The following UBAP2L variants were observed in gnomAD, a reference collection of about 807,000 sequenced individuals.
The protein encoded by UBAP2L is ubiquitin-associated protein 2-like.
Under a neutral mutation model 130.6 loss-of-function variants are expected in UBAP2L, and 12 were observed. That is an observed-to-expected ratio of 0.09 (90% CI 0.06 to 0.15). The LOEUF is 0.15. Among genes scored for constraint, UBAP2L ranks in the 10% least tolerant of loss-of-function variants. The probability of loss-of-function intolerance (pLI) is 1.00; values close to 1 mark genes in which losing one functional copy is unlikely to be tolerated. For missense variants in UBAP2L, 965 were observed against 1,332.5 expected, an observed-to-expected ratio of 0.72 and a Z score of 4.29; for synonymous variants, 503 against 524.7, an observed-to-expected ratio of 0.96 and a Z score of 0.57.
In UBAP2L at chr1:154,250,830, G is replaced by C. The variant is rs1054796305; in HGVS notation, c.1214-211G>C. ...CCATTGCATTCCAGCCTGGGTGACA[G>C]AGCAAGACTCCCATCTCAAAAAAAA... On this transcript the variant is annotated intron_variant, in intron 12 of 26. Coordinates refer to ENST00000428931, the MANE Select transcript of UBAP2L (RefSeq NM_014847.4). Among the ~76,000 whole-genome samples the C allele has an allele frequency of 2.5e-4, 35 of 138,832 alleles. No individual in the cohort carries two copies. The Admixed American group carries it at 2.6e-3, about 10-fold the overall frequency. The allele number at this position is 138,832 out of a possible 152,430, so 91.1% of individuals were successfully genotyped here.
chr1:154,235,379 T>G, intron 6 of UBAP2L, 88 bp downstream of exon 6: 4 of 625,016 alleles, frequency 6.4e-6, no homozygotes, highest in Non-Finnish European at 5.7e-6. Flanking sequence ...TTATTGGAGG[T>G]AGTCTCACTC....
chr1:154,255,109 C>T (rs1212379463), intron 16 of UBAP2L, 43 bp from the exon 17 acceptor site: 3 of 1,603,684 alleles, frequency 1.9e-6, no homozygotes, highest in South Asian at 2.2e-5. Context: ...ATAGACATTC[C>T]CTTTTTTCTG....
intron 13 of UBAP2L, 62 bp from the exon 14 acceptor site, chr1:154,251,419 T>TC (rs1677563801): frequency 6.3e-7 from 1 of 1,579,516 alleles, no homozygotes; most frequent in African/African-American, 1.4e-5. Context: ...GGAAGGGTTT[T>TC]TTTTAGTCTT....
chr1:154,225,063 A>C, intron 1 of UBAP2L, 21 bp from the exon 2 acceptor site: 1 of 1,580,282 alleles, frequency 6.3e-7, no homozygotes, highest in Admixed American at 1.7e-5. Context: ...TTAATACCTA[A>C]TTTTCTTTTA....
intron 20 of UBAP2L, 37 bp from the exon 21 acceptor site, chr1:154,258,940 C>T (rs1558215124): frequency 1.9e-6 from 3 of 1,585,748 alleles, no homozygotes; most frequent in African/African-American, 1.3e-5. Flanking sequence ...AACATCATGA[C>T]CAGTTCCTGT....
In UBAP2L at chr1:154,225,226, A is replaced by G; in HGVS notation, c.90+13A>G. 6.2e-7 allele frequency: 1 copy of G among 1,613,532 alleles called. No homozygotes were observed. Among genetic ancestry groups the G allele is most frequent in the South Asian group, 1.1e-5 (1 of 91,060 alleles). On this transcript the variant is annotated intron_variant, in intron 2 of 26. Coordinates refer to ENST00000428931, the MANE Select transcript of UBAP2L (RefSeq NM_014847.4). ...GCAGCGGCCACAGGTAAATAATCCAAGGCATACGGATTCATGGATAGCGTT... is the reference window on the plus strand; with the variant it reads ...GCAGCGGCCACAGGTAAATAATCCAGGGCATACGGATTCATGGATAGCGTT...
At chr1:154,225,700 G>A (rs184817394) in intron 2 of UBAP2L, among the ~76,000 whole-genome samples, 46 of 152,234 alleles carry the variant, frequency 3.0e-4, no homozygotes, top group African/African-American at 9.6e-4. Flanking sequence ...GAACTCATGG[G>A]ATTATAGGTG....
chr1:154,243,120 T>C, intron 9 of UBAP2L, 97 bp from the exon 10 acceptor site: 5 of 983,176 alleles, frequency 5.1e-6, no homozygotes, highest in South Asian at 4.1e-5. Context: ...TTTATAGGGC[T>C]TTCACTTTTT....
In UBAP2L at chr1:154,228,685, A is replaced by G. The variant is rs756576711; in HGVS notation, c.239A>G (p.Asn80Ser). The G allele has an allele frequency of 6.2e-7, 1 of 1,613,508 alleles. No individual in the cohort carries two copies. Among genetic ancestry groups the G allele is most frequent in the Non-Finnish European group, 8.5e-7 (1 of 1,179,828 alleles). ...TTGCATGACTGCAATGGAGATGTCA[A>G]CAGAGCTATCAATGTTCTTCTGGAA... ...IALHDCNGDV[N>S]RAINVLLEGN... Residue 80 changes from asparagine to serine, a missense_variant, in exon 4 of 27, where the codon AAC becomes AGC. Transcript: ENST00000428931.
At position 154,251,003 on chromosome 1, in the gene UBAP2L, A is replaced by C. The variant is rs1335348754; in HGVS notation, c.1214-38A>C. On this transcript the variant is annotated intron_variant, in intron 12 of 26. Coordinates refer to ENST00000428931, the MANE Select transcript of UBAP2L (RefSeq NM_014847.4). ...CAATAGCATTTCCTTGAGATTCATT[A>C]GCATCTCTGGCTTCATATACTGGGT... 2.5e-6 allele frequency: 4 copies of C among 1,569,426 alleles called. No individual in the cohort carries two copies. The South Asian group carries it at 3.6e-5, about 14-fold the overall frequency.
chr1:154,269,014 C>A, intron 26 of UBAP2L, 60 bp downstream of exon 26: 1 of 1,577,238 alleles, frequency 6.3e-7, no homozygotes, highest in Non-Finnish European at 8.7e-7. Context: ...CTTAAAACTG[C>A]CTTCCCTTTC....
chr1:154,259,486 C>G (rs1412646868), intron 21 of UBAP2L, among the ~76,000 whole-genome samples: 2 of 152,106 alleles, frequency 1.3e-5, no homozygotes, highest in Admixed American at 6.5e-5. Context: ...GCCGCCGCAC[C>G]CAGCCTTTTT....
Position 154,220,980 on chromosome 1 carries a change from A to C in UBAP2L, c.-41+5A>C, listed in dbSNP as rs1665688130. 5.4e-6 allele frequency: 1 copy of C among 183,698 alleles called. No homozygotes were observed. Among genetic ancestry groups the C allele is most frequent in the Non-Finnish European group, 1.2e-5 (1 of 86,672 alleles). The allele number at this position is 183,698 out of a possible 1,614,324, so 11.4% of individuals were successfully genotyped here. On this transcript the variant is annotated splice_donor_5th_base_variant and intron_variant, in intron 1 of 26. Transcript: ENST00000428931. ...GTCAGTGTGGAGGAGACTGAGGTAAAGTTGGGAGCGCAGCGGCGTTGGCGG... is the reference window on the plus strand; with the variant it reads ...GTCAGTGTGGAGGAGACTGAGGTAACGTTGGGAGCGCAGCGGCGTTGGCGG...
intron 22 of UBAP2L, among the ~76,000 whole-genome samples, chr1:154,260,337 A>C (rs374272278): frequency 6.6e-6 from 1 of 152,206 alleles, no homozygotes; most frequent in Non-Finnish European, 1.5e-5. Context: ...GCAAGACCCC[A>C]TCTCCAAAAA....
Position 154,257,228 on chromosome 1 carries a change from TCGACTCGAAGCTCAGTTG to T in UBAP2L, c.2325_2342del (p.Arg777_Thr782del). On this transcript the variant is annotated inframe_deletion, in exon 19 of 27. Coordinates refer to ENST00000428931, the MANE Select transcript of UBAP2L (RefSeq NM_014847.4). The stretch of plus-strand genomic sequence containing the variant: ...AGGCAGCAACTCCACTGTCACAGCC[TCGACTCGAAGCTCAGTTG>T]CTACGACTTCAGGTAGCCTTGCATA... 6.2e-7 allele frequency: 1 copy of T among 1,614,206 alleles called. No homozygotes were observed. Among genetic ancestry groups the T allele is most frequent in the Non-Finnish European group, 8.5e-7 (1 of 1,180,016 alleles).
chr1:154,258,626 G>A (rs1680470492), intron 20 of UBAP2L: 1 of 163,414 alleles, frequency 6.1e-6, no homozygotes, highest in Non-Finnish European at 1.3e-5. Context: ...CTTTCCAGAG[G>A]AGATTATTTT....
Position 154,257,389 on chromosome 1 carries a change from G to T in UBAP2L, c.2397G>T (p.Leu799Phe). 6.2e-7 allele frequency: 1 copy of T among 1,613,392 alleles called. No individual in the cohort carries two copies. Among genetic ancestry groups the T allele is most frequent in the Non-Finnish European group, 8.5e-7 (1 of 1,180,038 alleles). ...PNLPPGVPPL[L>F]PNPYIMAPGL... ...TCCCTCCTGGGGTCCCGCCGTTGTT[G>T]CCTAATCCGTATATTATGGCTCCAG... Residue 799 changes from leucine (L) to phenylalanine (F), a missense_variant, in exon 20 of 27, where the codon TTG becomes TTT. Physicochemically the swap from Leu to Phe is conservative, Grantham distance 22. Around this residue, in one of 9 missense-constraint regions of UBAP2L, gnomAD observed 393 missense variants for 408.1 expected, o/e 0.96. Transcript: ENST00000428931.
intron 25 of UBAP2L, among the ~76,000 whole-genome samples, chr1:154,268,150 A>G (rs1683904417): frequency 1.3e-5 from 2 of 151,440 alleles, no homozygotes; most frequent in Admixed American, 6.6e-5. Flanking sequence ...TGGCCTCCCA[A>G]AATGCTGGGA....
Position 154,221,056 on chromosome 1 carries a change from C to G in UBAP2L, c.-41+81C>G, listed in dbSNP as rs999285374. 15 of 188,108 alleles carry G rather than the reference C, an allele frequency of 8.0e-5. No homozygotes were observed. The East Asian group carries it at 2.7e-3, about 34-fold the overall frequency. 11.7% of individuals were successfully genotyped at this position (188,108 alleles called of 1,614,324 possible). ...GCGGGGCCGGGTATTGTCCGCGGCC[C>G]CTTTAAATCCGCGATCCCCCTTTTA... On this transcript the variant is annotated intron_variant, in intron 1 of 26. Transcript: ENST00000428931.
Sources: gnomAD v4.1 joint callset for allele counts (sites outside exome capture counted in the v4.1 genomes callset) on GRCh38, gnomAD v4.1.1 for gene constraint, gnomAD v4.1.1 regional missense constraint, MANE v1.5 for transcripts, NCBI Gene and HGNC (gene_info 2026-07-23, HGNC 2026-07-21) for gene names.